The following PCSK5 variants were observed in gnomAD, a reference collection of about 807,000 sequenced individuals.
The protein encoded by PCSK5 is proprotein convertase subtilisin/kexin type 5, also known as prohormone convertase 5.
Under a neutral mutation model 233.2 loss-of-function variants are expected in PCSK5, and 129 were observed. The observed-to-expected ratio is 0.55, with a 90% confidence interval of 0.48 to 0.64. PCSK5 has a LOEUF of 0.64. Among genes scored for constraint, PCSK5 ranks in the 30% least tolerant of loss-of-function variants. The pLI is 0.00. For missense variants in PCSK5, 2,076 were observed against 2,430.1 expected, an observed-to-expected ratio of 0.85 and a Z score of 3.06; for synonymous variants, 825 against 879.2, an observed-to-expected ratio of 0.94 and a Z score of 1.09.
At chr9:76,093,803 A>G (rs1298336396) in intron 7 of PCSK5, among the ~76,000 whole-genome samples, 2 of 152,084 alleles carry the variant, frequency 1.3e-5, no homozygotes, top group Admixed American at 1.3e-4. Flanking sequence ...ATGAGTTGGA[A>G]CATTCTTTCT....
intron 24 of PCSK5, among the ~76,000 whole-genome samples, chr9:76,247,509 G>C (rs955012752): frequency 6.6e-6 from 1 of 152,008 alleles, no homozygotes; most frequent in African/African-American, 2.4e-5. Context: ...TGATTGGTCC[G>C]GTGTGAGCTA....
chr9:76,351,044 T>G, intron 36 of PCSK5, 116 bp downstream of exon 36: 1 of 627,422 alleles, frequency 1.6e-6, no homozygotes, highest in South Asian at 2.1e-5. Flanking sequence ...ACTATAGAAA[T>G]AGTGTATGTT....
chr9:75,947,828 T>G (rs1226394564), intron 2 of PCSK5, among the ~76,000 whole-genome samples: 3 of 152,064 alleles, frequency 2.0e-5, no homozygotes, highest in Non-Finnish European at 2.9e-5. Flanking sequence ...CTACTAACCA[T>G]TCACACATTT....
chr9:76,021,536 G>A (rs74898314), intron 3 of PCSK5, among the ~76,000 whole-genome samples: 5,072 of 152,124 alleles, frequency 0.033, 145 homozygotes, highest in African/African-American at 0.084. Context: ...CAGGGCCTCA[G>A]GTGCCAGAAA....
chr9:76,098,467 C>G (rs1472484833), intron 8 of PCSK5, among the ~76,000 whole-genome samples: 2 of 152,154 alleles, frequency 1.3e-5, no homozygotes, highest in East Asian at 3.9e-4. Context: ...ATAAGAAGAC[C>G]TTGTGTCTTC....
At chr9:76,036,954 T>G (rs1828883794) in intron 5 of PCSK5, among the ~76,000 whole-genome samples, 1 of 152,258 alleles carries the variant, frequency 6.6e-6, no homozygotes, top group Admixed American at 6.5e-5. Context: ...TACCAAGTGC[T>G]GGTACTCAGG....
intron 1 of PCSK5, among the ~76,000 whole-genome samples, chr9:75,910,177 A>G (rs1379828421): frequency 6.6e-6 from 1 of 152,236 alleles, no homozygotes; most frequent in East Asian, 1.9e-4. Flanking sequence ...GCCAAGCTCA[A>G]TAGTTTTCTC....
intron 12 of PCSK5, among the ~76,000 whole-genome samples, chr9:76,161,212 T>C (rs554839715): frequency 4.4e-4 from 67 of 152,336 alleles, no homozygotes; most frequent in Non-Finnish European, 8.1e-4. Context: ...CCACAATAAG[T>C]GTATGCAGGT....
Position 75,917,475 on chromosome 9 carries a change from C to G in PCSK5, c.193-14904C>G, listed in dbSNP as rs1233692437. On this transcript the variant is annotated intron_variant, in intron 1 of 37. Coordinates refer to ENST00000674117, the MANE Select transcript of PCSK5 (RefSeq NM_001372043.1). ...AATTTTTGTTGCTTTGAGCATGCAT[C>G]TGCTGAAGAACCGTGTGTCACCTGG... is the stretch of plus-strand genomic sequence containing the variant. Among the ~76,000 whole-genome samples, 3 of 152,238 alleles carry G rather than the reference C, an allele frequency of 2.0e-5. No homozygotes were observed. In the East Asian group the frequency reaches 5.8e-4, roughly 29 times the overall value.
chr9:76,354,359 T>A, intron 37 of PCSK5, 140 bp downstream of exon 37: 1 of 633,914 alleles, frequency 1.6e-6, no homozygotes, highest in Non-Finnish European at 2.8e-6. Context: ...GGGCCTACTG[T>A]ACTTGAAACT....
intron 10 of PCSK5, among the ~76,000 whole-genome samples, chr9:76,139,071 G>A (rs1823095196): frequency 6.6e-6 from 1 of 151,698 alleles, no homozygotes; most frequent in Admixed American, 6.6e-5. Context: ...TTAATAACCT[G>A]TATTACTTTT....
intron 2 of PCSK5, among the ~76,000 whole-genome samples, chr9:75,975,433 C>G (rs1587445431): frequency 6.6e-6 from 1 of 152,270 alleles, no homozygotes; most frequent in South Asian, 2.1e-4. Flanking sequence ...TGATATTTAG[C>G]AGATCACCCT....
intron 5 of PCSK5, among the ~76,000 whole-genome samples, chr9:76,040,737 T>C (rs12005917): frequency 0.22 from 33,475 of 152,070 alleles, 3,980 homozygotes; most frequent in South Asian, 0.31. Context: ...AACATAGTGT[T>C]TATAAGCAAT....
chr9:76,302,596 C>A (rs1336239115), intron 28 of PCSK5, among the ~76,000 whole-genome samples: 1 of 152,172 alleles, frequency 6.6e-6, no homozygotes, highest in Non-Finnish European at 1.5e-5. Flanking sequence ...CTGGAAAAAA[C>A]TAAGTGGTTA....
intron 6 of PCSK5, among the ~76,000 whole-genome samples, 195 bp from the exon 7 acceptor site, chr9:76,071,531 T>C (rs918023145): frequency 3.9e-5 from 6 of 152,184 alleles, no homozygotes; most frequent in Admixed American, 1.3e-4. Context: ...TTTTGCTCTT[T>C]TATATACAAT....
At chr9:76,228,619 G>C (rs1825973530) in intron 21 of PCSK5, among the ~76,000 whole-genome samples, 1 of 152,210 alleles carries the variant, frequency 6.6e-6, no homozygotes, top group Non-Finnish European at 1.5e-5. Flanking sequence ...GAAAGCTGGA[G>C]GCCTGTTTTA....
chr9:76,036,666 T>G (rs957862705), intron 5 of PCSK5, among the ~76,000 whole-genome samples: 9 of 152,250 alleles, frequency 5.9e-5, no homozygotes, highest in African/African-American at 1.4e-4. Context: ...GCATGTTGTC[T>G]CATTTACTAC....
chr9:76,047,052 T>C (rs1191824791), intron 5 of PCSK5, among the ~76,000 whole-genome samples: 2 of 151,836 alleles, frequency 1.3e-5, no homozygotes, highest in African/African-American at 4.8e-5. Context: ...AGGTAATATG[T>C]CAACCAAAGA....
At chr9:75,902,214 TAAAAAAAAAAAAAAAAAAAA>T (rs200579439) in intron 1 of PCSK5, among the ~76,000 whole-genome samples, 3 of 53,300 alleles carry the variant, frequency 5.6e-5, no homozygotes, top group African/African-American at 2.4e-4. Flanking sequence ...AGACACCATC[TAAAAAAAAAAAAAAAAAAAA>T]AAAAAAAAAG....
Sources: allele counts gnomAD v4.1 joint callset (sites outside exome capture counted in the v4.1 genomes callset), GRCh38; gene constraint gnomAD v4.1.1; transcripts MANE v1.5; gene names NCBI Gene and HGNC (gene_info 2026-07-23, HGNC 2026-07-21).